The following PRLR variants were observed in gnomAD, a reference collection of about 807,000 sequenced individuals.
PRLR encodes the protein prolactin receptor.
In PRLR, 13 loss-of-function variants were observed where a neutral mutation model predicts 40.2. The observed-to-expected ratio is 0.32, with a 90% CI of 0.21 to 0.51. PRLR has a LOEUF of 0.51. Among genes scored for constraint, PRLR ranks in the 20% least tolerant of loss-of-function variants. The pLI is 0.97. For synonymous variants in PRLR, 269 were observed against 278.7 expected (o/e 0.97, Z 0.35); for missense variants, 656 against 747.3 (o/e 0.88, Z 1.42).
chr5:35,107,279 G>A (rs1772323952), intron 2 of PRLR, among the ~76,000 whole-genome samples: 1 of 152,216 alleles, frequency 6.6e-6, no homozygotes, highest in South Asian at 2.1e-4. Flanking sequence ...AAGCAGGAAA[G>A]ATCTAAAATC....
chr5:35,090,780 A>G (rs1771147786), intron 2 of PRLR, among the ~76,000 whole-genome samples: 1 of 136,180 alleles, frequency 7.3e-6, no homozygotes, highest in Non-Finnish European at 1.5e-5. Flanking sequence ...CCCAGGTACC[A>G]TCAATTAGCT....
intron 2 of PRLR, among the ~76,000 whole-genome samples, chr5:35,114,163 A>G (rs1005702792): frequency 2.0e-5 from 3 of 152,206 alleles, no homozygotes; most frequent in Non-Finnish European, 4.4e-5. Context: ...TGGAGCTGAC[A>G]CATTTAGGGA....
In PRLR at chr5:35,063,683, T is replaced by C. The variant is rs1361298964; in HGVS notation, c.*1406A>G. On this transcript the variant is annotated 3_prime_UTR_variant, in exon 10 of 10. Coordinates refer to ENST00000618457, the MANE Select transcript of PRLR (RefSeq NM_000949.7). Reference sequence around the variant, plus strand: ...TTTACTTCAGAGAGACACTAACTCCTGGCTTTGCTTAAAATTTTTTTGTGG... The same window carrying C: ...TTTACTTCAGAGAGACACTAACTCCCGGCTTTGCTTAAAATTTTTTTGTGG... 6.6e-6 allele frequency: 1 copy of C among 152,256 alleles called. No individual in the cohort carries two copies. Among genetic ancestry groups the C allele is most frequent in the African/African-American group, 2.4e-5 (1 of 41,476 alleles). 9.4% of individuals were successfully genotyped at this position (152,256 alleles called of 1,614,324 possible). A position where few individuals can be genotyped will look rare whatever the true frequency, so the allele number is the denominator to read the frequency against.
chr5:35,221,327 G>A (rs1776413130), intron 1 of PRLR, among the ~76,000 whole-genome samples: 1 of 152,170 alleles, frequency 6.6e-6, no homozygotes, highest in Non-Finnish European at 1.5e-5. Context: ...TTATCTTTCA[G>A]TCTCATAATT....
chr5:35,065,575 G>C lies in PRLR; in HGVS notation c.1383C>G (p.Ser461=), dbSNP rs1001842187. 5 of 1,614,012 alleles carry C rather than the reference G, an allele frequency of 3.1e-6. No individual in the cohort carries two copies. Among genetic ancestry groups the C allele is most frequent in the Admixed American group, 3.3e-5 (2 of 59,998 alleles). ...CTTCTCTAGACTTAATGGTTTGAGA[G>C]GATTTTAAAGCATCTTTACCTGCTT... is the stretch of plus-strand genomic sequence containing the variant. The part of the protein sequence containing the change: ...LNEAGKDALK[S]SQTIKSREEG... The change falls in exon 10 of 10, where the codon TCC becomes TCG. Residue 461 remains serine (S), a synonymous_variant. Transcript: ENST00000618457.
At chr5:35,202,390 G>C (rs956303330) in intron 1 of PRLR, among the ~76,000 whole-genome samples, 2 of 152,178 alleles carry the variant, frequency 1.3e-5, no homozygotes, top group African/African-American at 4.8e-5. Flanking sequence ...CATGCTTGCT[G>C]TCACTTCTTC....
intron 1 of PRLR, among the ~76,000 whole-genome samples, chr5:35,125,815 A>C (rs548973455): frequency 1.3e-5 from 2 of 152,310 alleles, no homozygotes; most frequent in Non-Finnish European, 2.9e-5. Context: ...ATAATCAGGA[A>C]GACTGTTGAG....
At chr5:35,134,320 C>T (rs1003721134) in intron 1 of PRLR, among the ~76,000 whole-genome samples, 1 of 151,390 alleles carries the variant, frequency 6.6e-6, no homozygotes, top group Non-Finnish European at 1.5e-5. Context: ...TTGATGGCTC[C>T]TCTTTCCTTG....
At chr5:35,053,587 A>C (rs1333988277), downstream of PRLR, among the ~76,000 whole-genome samples, 1 of 152,202 alleles carries the variant, frequency 6.6e-6, no homozygotes, top group Non-Finnish European at 1.5e-5. Context: ...CGGGAGGTGG[A>C]GGTTGTAATG....
At chr5:35,119,673 T>C (rs1773211704) in intron 1 of PRLR, among the ~76,000 whole-genome samples, 1 of 152,228 alleles carries the variant, frequency 6.6e-6, no homozygotes, top group Admixed American at 6.5e-5. Flanking sequence ...CTAAGAATTA[T>C]TTTAGAACTT....
intron 1 of PRLR, among the ~76,000 whole-genome samples, chr5:35,150,042 G>A (rs770307295): frequency 2.6e-5 from 4 of 152,026 alleles, no homozygotes; most frequent in African/African-American, 9.7e-5. Context: ...GCGCCACGAC[G>A]CCCAGCTAAT....
At chr5:35,181,590 C>T (rs988607114) in intron 1 of PRLR, among the ~76,000 whole-genome samples, 3 of 152,202 alleles carry the variant, frequency 2.0e-5, no homozygotes, top group South Asian at 4.1e-4. Context: ...ATCCAATTTT[C>T]ATAACATCAG....
Position 35,058,255 on chromosome 5 carries a change from T to C in PRLR, c.*6834A>G, listed in dbSNP as rs1241692431. 3 of 152,196 alleles carry C rather than the reference T, an allele frequency of 2.0e-5. No homozygotes were observed. The highest frequency in any genetic ancestry group is 7.2e-5 in the African/African-American group (3 of 41,466). The allele number at this position is 152,196 out of a possible 1,614,324, so 9.4% of individuals were successfully genotyped here. On this transcript the variant is annotated 3_prime_UTR_variant, in exon 10 of 10. Transcript: ENST00000618457. Reference sequence around the variant, plus strand: ...GAGGAAAAGCAGAGGTAGTGGTAGCTTTGAAAATGTGGAACCTTATGCTAT... The same window carrying C: ...GAGGAAAAGCAGAGGTAGTGGTAGCCTTGAAAATGTGGAACCTTATGCTAT...
chr5:35,102,735 G>C (rs901108923), intron 2 of PRLR, among the ~76,000 whole-genome samples: 2 of 152,078 alleles, frequency 1.3e-5, no homozygotes, highest in Non-Finnish European at 2.9e-5. Flanking sequence ...TAGAGATGGG[G>C]TTTCACCATA....
At chr5:35,159,526 A>C (rs1450132091) in intron 1 of PRLR, among the ~76,000 whole-genome samples, 6 of 152,284 alleles carry the variant, frequency 3.9e-5, no homozygotes, top group Admixed American at 3.3e-4. Context: ...TTGAATTTCA[A>C]GGGAATGTTT....
intron 1 of PRLR, among the ~76,000 whole-genome samples, chr5:35,194,701 A>G (rs1308765610): frequency 6.6e-6 from 1 of 152,228 alleles, no homozygotes; most frequent in East Asian, 1.9e-4. Flanking sequence ...TTCTGACTAC[A>G]TGACATTTCA....
At chr5:35,191,744 A>G (rs1035100410) in intron 1 of PRLR, among the ~76,000 whole-genome samples, 4 of 152,218 alleles carry the variant, frequency 2.6e-5, no homozygotes, top group African/African-American at 9.6e-5. Context: ...TGAGACACAG[A>G]CACTGTATCT....
downstream of PRLR, among the ~76,000 whole-genome samples, chr5:35,054,942 G>T (rs1768643139): frequency 6.6e-6 from 1 of 152,114 alleles, no homozygotes; most frequent in Non-Finnish European, 1.5e-5. Flanking sequence ...GGTTGTTGAG[G>T]GATGTAAATA....
Position 35,059,403 on chromosome 5 carries a change from C to G in PRLR, c.*5686G>C, listed in dbSNP as rs1009312287. Reference sequence around the variant, plus strand: ...ATCAAGGGAATTGATGTGGACAAAACAGCTGCCAGCATGATAGTGTTTGTG... The same window carrying G: ...ATCAAGGGAATTGATGTGGACAAAAGAGCTGCCAGCATGATAGTGTTTGTG... On this transcript the variant is annotated 3_prime_UTR_variant, in exon 10 of 10. Transcript: ENST00000618457. 1 of 152,112 alleles carries G rather than the reference C, an allele frequency of 6.6e-6. No individual in the cohort carries two copies. The highest frequency in any genetic ancestry group is 2.4e-5 in the African/African-American group (1 of 41,426). 9.4% of individuals were successfully genotyped at this position (152,112 alleles called of 1,614,324 possible).
Sources: allele counts gnomAD v4.1 joint callset (sites outside exome capture counted in the v4.1 genomes callset), GRCh38; gene constraint gnomAD v4.1.1; transcripts MANE v1.5; gene names NCBI Gene and HGNC (gene_info 2026-07-23, HGNC 2026-07-21).